Variants in ZNF142 observed in about 807,000 individuals in gnomAD.
ZNF142 encodes the protein zinc finger protein 142 (clone pHZ-49).
In ZNF142, 96 loss-of-function variants were observed where a neutral mutation model predicts 132.1. The ratio of observed to expected loss-of-function variants is 0.73; its 90% confidence interval spans 0.62 to 0.86. The LOEUF is 0.86. Ranked by LOEUF, ZNF142 falls within the 40% of genes least tolerant of loss-of-function variation. The pLI, the probability that ZNF142 is intolerant of heterozygous loss-of-function variation, is 0.00. For missense variants in ZNF142, 2,163 were observed against 2,336.2 expected (o/e 0.93, Z 1.53); for synonymous variants, 842 against 890.1 (o/e 0.95, Z 0.96).
intron 3 of ZNF142, among the ~76,000 whole-genome samples, chr2:218,657,585 C>T (rs147586843): frequency 2.2e-3 from 328 of 152,198 alleles, no homozygotes; most frequent in African/African-American, 7.5e-3. Flanking sequence ...TGTACCACCA[C>T]GCCTGGCTAC....
At chr2:218,652,728 A>G (rs1313934287) in intron 4 of ZNF142, among the ~76,000 whole-genome samples, 2 of 81,534 alleles carry the variant, frequency 2.5e-5, no homozygotes. Context: ...AAAATGGAGA[A>G]TATCCTTCTG....
In ZNF142 at chr2:218,648,737, C is replaced by T; in HGVS notation, c.1771G>A (p.Val591Ile). The T allele has an allele frequency of 6.2e-7, 1 of 1,614,248 alleles. No individual in the cohort carries two copies. The highest frequency in any genetic ancestry group is 8.5e-7 in the Non-Finnish European group (1 of 1,180,042). The change falls in exon 7 of 11, where the codon GTA (valine) becomes ATA (isoleucine). Residue 591 changes from valine (V) to isoleucine (I), a missense_variant. Around this residue, in one of 7 missense-constraint regions of ZNF142, gnomAD observed 749 missense variants for 830.3 expected, o/e 0.90. Coordinates refer to ENST00000411696, the MANE Select transcript of ZNF142 (RefSeq NM_001379659.1). ...TFNPVAYQDH[V>I]GKMHAHEKIH... Reference sequence around the variant, plus strand: ...TTTTCATGAGCATGCATCTTGCCTACATGATCCTGGTAAGCCACTGGGTTG... The same window carrying T: ...TTTTCATGAGCATGCATCTTGCCTATATGATCCTGGTAAGCCACTGGGTTG...
chr2:218,639,163 G>A (rs968624778), intron 10 of ZNF142, among the ~76,000 whole-genome samples: 3 of 152,162 alleles, frequency 2.0e-5, no homozygotes, highest in Admixed American at 1.3e-4. Context: ...TGAAGACAGG[G>A]TTTCACCATG....
At position 218,633,680 on chromosome 2, in the gene ZNF142, A is replaced by C; in HGVS notation, c.*4659T>G. 6.2e-7 allele frequency: 1 copy of C among 1,613,654 alleles called. No homozygotes were observed. The highest frequency in any genetic ancestry group is 8.5e-7 in the Non-Finnish European group (1 of 1,179,616). Reference sequence around the variant, plus strand: ...GAAGTCTGTCTCATTCCGCAGCTTCACACATTCAAAGGAGCACTACCACTT... The same window carrying C: ...GAAGTCTGTCTCATTCCGCAGCTTCCCACATTCAAAGGAGCACTACCACTT... On this transcript the variant is annotated 3_prime_UTR_variant, in exon 11 of 11. Coordinates refer to ENST00000411696, the MANE Select transcript of ZNF142 (RefSeq NM_001379659.1).
chr2:218,658,391 A>G (rs1315381233), intron 3 of ZNF142, among the ~76,000 whole-genome samples: 1 of 152,060 alleles, frequency 6.6e-6, no homozygotes, highest in Non-Finnish European at 1.5e-5. Flanking sequence ...AATACAAAAA[A>G]TCAGCAGGGT....
intron 8 of ZNF142, 106 bp from the exon 9 acceptor site, chr2:218,645,170 C>T (rs1697628741): frequency 1.4e-6 from 2 of 1,386,280 alleles, no homozygotes; most frequent in Non-Finnish European, 2.0e-6. Flanking sequence ...CAGTATCATA[C>T]ATGTGTCACC....
chr2:218,638,595 C>A lies in ZNF142; in HGVS notation c.5408G>T (p.Arg1803Leu). 6.2e-7 allele frequency: 1 copy of A among 1,613,000 alleles called. No homozygotes were observed. The highest frequency in any genetic ancestry group is 8.5e-7 in the Non-Finnish European group (1 of 1,179,130). The change falls in exon 11 of 11, where the codon CGC becomes CTC. Residue 1803 changes from arginine to leucine, a missense_variant. This residue lies in a region of ZNF142 where 325 missense variants were observed against 367.8 expected (regional missense o/e 0.88). Coordinates refer to ENST00000411696, the MANE Select transcript of ZNF142 (RefSeq NM_001379659.1). ...ATGATGGCGCAGGCCAGCAGCCCAG[C>A]GGAAAGCACGGTGGCACACATTGCA... ...YVCNVCHRAF[R>L]WAAGLRHHAL... is the part of the protein sequence containing the mutation.
chr2:218,638,238 G>A lies in ZNF142; in HGVS notation c.*101C>T, dbSNP rs1322218565. 1 of 1,221,078 alleles carries A rather than the reference G, an allele frequency of 8.2e-7. No homozygotes were observed. The highest frequency in any genetic ancestry group is 3.5e-5 in the Admixed American group (1 of 28,522). 75.6% of individuals were successfully genotyped at this position (1,221,078 alleles called of 1,614,324 possible). A position where few individuals can be genotyped will look rare whatever the true frequency, so the allele number is the denominator to read the frequency against. ...TTCTAGTCACCCTTGTACCCCAAAA[G>A]CCAGTCTTTCCTTAGGCTCTGAGCT... On this transcript the variant is annotated 3_prime_UTR_variant, in exon 11 of 11. Transcript: ENST00000411696.
chr2:218,638,544 G>C lies in ZNF142; in HGVS notation c.5459C>G (p.Pro1820Arg). The C allele has an allele frequency of 8.7e-6, 14 of 1,610,886 alleles. No individual in the cohort carries two copies. The highest frequency in any genetic ancestry group is 1.2e-5 in the Non-Finnish European group (14 of 1,177,542). The change falls in exon 11 of 11, where the codon CCC (proline) becomes CGC (arginine). Residue 1820 changes from proline (P) to arginine (R), a missense_variant. Physicochemically the swap from Pro to Arg is moderately radical, Grantham distance 103. Transcript: ENST00000411696. Reference sequence around the variant, plus strand: ...GTAGTTGCAGAGGCGGCAAAAGAAGGGGTGGCGGTCGGTGTGGGTGAGGGC... The same window carrying C: ...GTAGTTGCAGAGGCGGCAAAAGAAGCGGTGGCGGTCGGTGTGGGTGAGGGC... Reference protein sequence around the residue: ...HHALTHTDRHPFFCRLCNYKA... With the variant: ...HHALTHTDRHRFFCRLCNYKA...
At position 218,635,876 on chromosome 2, in the gene ZNF142, CT is replaced by C. The variant is rs564727466; in HGVS notation, c.*2462del. The C allele has an allele frequency of 1.9e-5, 30 of 1,613,970 alleles. No homozygotes were observed. The East Asian group carries it at 5.8e-4, about 31-fold the overall frequency. On this transcript the variant is annotated 3_prime_UTR_variant, in exon 11 of 11. Coordinates refer to ENST00000411696, the MANE Select transcript of ZNF142 (RefSeq NM_001379659.1). The stretch of plus-strand genomic sequence containing the variant: ...TGGATCCACTGGTGAAAGTGCAGAT[CT>C]TTGGCGTTCGTCTAGACACAGCACG...
chr2:218,647,949 G>C (rs1378276118), intron 7 of ZNF142, among the ~76,000 whole-genome samples: 12 of 152,192 alleles, frequency 7.9e-5, no homozygotes, highest in African/African-American at 2.9e-4. Flanking sequence ...GCATGTACAG[G>C]AATGAGTTCA....
At chr2:218,641,908 A>G in intron 9 of ZNF142, 120 bp downstream of exon 9, 2 of 1,303,806 alleles carry the variant, frequency 1.5e-6, no homozygotes, top group Non-Finnish European at 1.0e-6. Context: ...AGGCTTGGTA[A>G]AGGAACTTTC....
At chr2:218,645,559 G>C (rs1416403993) in intron 8 of ZNF142, among the ~76,000 whole-genome samples, 1 of 152,166 alleles carries the variant, frequency 6.6e-6, no homozygotes, top group Non-Finnish European at 1.5e-5. Context: ...CATGAATATA[G>C]TGTCTATCCA....
In ZNF142 at chr2:218,637,126, C is replaced by T. The variant is rs1696811685; in HGVS notation, c.*1213G>A. 6.2e-6 allele frequency: 2 copies of T among 323,682 alleles called. No individual in the cohort carries two copies. Among genetic ancestry groups the T allele is most frequent in the South Asian group, 2.6e-5 (1 of 37,912 alleles). 20.1% of individuals were successfully genotyped at this position (323,682 alleles called of 1,614,324 possible). A position where few individuals can be genotyped will look rare whatever the true frequency, so the allele number is the denominator to read the frequency against. On this transcript the variant is annotated 3_prime_UTR_variant, in exon 11 of 11. Transcript: ENST00000411696. ...ACTGCACAGCACTCAAAGTCCCCCA[C>T]TGGACTGCTTCCTCCTTAGCCCCAC... is the stretch of plus-strand genomic sequence containing the variant.
chr2:218,647,003 G>A (rs542718335), intron 7 of ZNF142, among the ~76,000 whole-genome samples: 44 of 136,514 alleles, frequency 3.2e-4, no homozygotes, highest in African/African-American at 8.7e-4. Context: ...AAAAATAAAT[G>A]AGACAACAGA....
chr2:218,645,078 A>G lies in ZNF142; in HGVS notation c.2052-14T>C. On this transcript the variant is annotated splice_polypyrimidine_tract_variant and intron_variant, in intron 8 of 10. Transcript: ENST00000411696. Reference sequence around the variant, plus strand: ...TTGCACTGATACCTGGCAAGGAGGGAAAGGGGGAGGCAATCACAATAATTA... The same window carrying G: ...TTGCACTGATACCTGGCAAGGAGGGGAAGGGGGAGGCAATCACAATAATTA... 1 of 1,602,440 alleles carries G rather than the reference A, an allele frequency of 6.2e-7. No homozygotes were observed. Among genetic ancestry groups the G allele is most frequent in the Non-Finnish European group, 8.5e-7 (1 of 1,172,130 alleles).
Position 218,635,865 on chromosome 2 carries a change from A to G in ZNF142, c.*2474T>C. The G allele has an allele frequency of 6.2e-7, 1 of 1,614,032 alleles. No homozygotes were observed. Among genetic ancestry groups the G allele is most frequent in the African/African-American group, 1.3e-5 (1 of 75,046 alleles). On this transcript the variant is annotated 3_prime_UTR_variant, in exon 11 of 11. Coordinates refer to ENST00000411696, the MANE Select transcript of ZNF142 (RefSeq NM_001379659.1). ...GGGGTCCATTGTGGATCCACTGGTG[A>G]AAGTGCAGATCTTTGGCGTTCGTCT...
chr2:218,646,048 C>T (rs1267914922), intron 8 of ZNF142, 123 bp downstream of exon 8: 22 of 1,358,616 alleles, frequency 1.6e-5, no homozygotes, highest in South Asian at 5.5e-5. Context: ...CCATTGCACC[C>T]GGCCTTAGGA....
rs1455786212 is a variant in ZNF142 at position 218,645,069 on chromosome 2, C to T, written c.2052-5G>A. On this transcript the variant is annotated splice_region_variant and splice_polypyrimidine_tract_variant and intron_variant, in intron 8 of 10. Coordinates refer to ENST00000411696, the MANE Select transcript of ZNF142 (RefSeq NM_001379659.1). Reference sequence around the variant, plus strand: ...GAGCACTGGTTGCACTGATACCTGGCAAGGAGGGAAAGGGGGAGGCAATCA... The same window carrying T: ...GAGCACTGGTTGCACTGATACCTGGTAAGGAGGGAAAGGGGGAGGCAATCA... 1.2e-6 allele frequency: 2 copies of T among 1,603,496 alleles called. No homozygotes were observed. Among genetic ancestry groups the T allele is most frequent in the East Asian group, 2.2e-5 (1 of 44,572 alleles).
Sources: gnomAD v4.1 joint callset for allele counts (sites outside exome capture counted in the v4.1 genomes callset) on GRCh38, gnomAD v4.1.1 for gene constraint, gnomAD v4.1.1 regional missense constraint, MANE v1.5 for transcripts, NCBI Gene and HGNC (gene_info 2026-07-23, HGNC 2026-07-21) for gene names.